SLC19A1: variants seen among roughly 807,000 people sequenced by gnomAD.
SLC19A1 encodes reduced folate transporter.
Under a neutral mutation model 35.3 loss-of-function variants are expected in SLC19A1, and 37 were observed. That is an observed-to-expected ratio of 1.05 (90% CI 0.81 to 1.38). The LOEUF (loss-of-function observed/expected upper bound fraction) is 1.38, where lower values mean the gene tolerates loss of function less well. SLC19A1 is among the 40% of genes most tolerant of loss of function. The probability of loss-of-function intolerance (pLI) is 0.00; values close to 1 mark genes in which losing one functional copy is unlikely to be tolerated. For synonymous variants in SLC19A1, 460 were observed against 398.5 expected (o/e 1.15, Z -1.84); for missense variants, 831 against 826.9 (o/e 1.00, Z -0.06).
chr21:45,536,232 T>C lies in SLC19A1; in HGVS notation c.189+1539A>G, dbSNP rs374013845. The C allele has an allele frequency of 2.1e-4, 32 of 155,878 alleles. No individual in the cohort carries two copies. The South Asian group carries it at 5.7e-3, about 28-fold the overall frequency. 9.7% of individuals were successfully genotyped at this position (155,878 alleles called of 1,614,324 possible). On this transcript the variant is annotated intron_variant, in intron 2 of 5. Transcript: ENST00000311124. ...TGGAATCTACTTTTTAATCCGTTAA[T>C]GTACAACATGAGAGGGCAGGCAGAT...
At chr21:45,558,087 C>A (rs569701653) in intron 1 of SLC19A1, among the ~76,000 whole-genome samples, 1 of 152,274 alleles carries the variant, frequency 6.6e-6, no homozygotes, top group African/African-American at 2.4e-5. Flanking sequence ...GCGGCATCGT[C>A]TCCAAGCCTG....
At chr21:45,555,842 T>C (rs1358363099) in intron 1 of SLC19A1, among the ~76,000 whole-genome samples, 1 of 152,162 alleles carries the variant, frequency 6.6e-6, no homozygotes, top group East Asian at 1.9e-4. Context: ...TCGCGGACCC[T>C]GAGGCAGGAT....
intron 3 of SLC19A1, chr21:45,505,816 C>T (rs1285986842): frequency 1.3e-6 from 2 of 1,573,108 alleles, no homozygotes; most frequent in East Asian, 2.2e-5. Flanking sequence ...AAGCCCCACA[C>T]CTCTGCATTT....
At chr21:45,552,933 C>T (rs1182946757) in intron 1 of SLC19A1, among the ~76,000 whole-genome samples, 1 of 152,232 alleles carries the variant, frequency 6.6e-6, no homozygotes. Flanking sequence ...AACAGGGCAC[C>T]CAGGGCAGTG....
chr21:45,503,043 G>A (rs1043355672), intron 3 of SLC19A1: 1 of 152,166 alleles, frequency 6.6e-6, no homozygotes, highest in Non-Finnish European at 1.5e-5. Context: ...GTGTGCATGT[G>A]TCTTTATAGC....
chr21:45,528,111 GGCC>G (rs2077713022), intron 4 of SLC19A1, among the ~76,000 whole-genome samples: 2 of 151,954 alleles, frequency 1.3e-5, no homozygotes, highest in Non-Finnish European at 2.9e-5. Flanking sequence ...CAGGCAGGCA[GGCC>G]GGCAGCAGGG....
In SLC19A1 at chr21:45,525,817, C is replaced by G. The variant is rs771840231; in HGVS notation, c.1293G>C (p.Gln431His). The G allele has an allele frequency of 6.2e-7, 1 of 1,613,166 alleles. No homozygotes were observed. The highest frequency in any genetic ancestry group is 1.1e-5 in the South Asian group (1 of 91,084). Residue 431 changes from glutamine to histidine, a missense_variant and splice_region_variant, in exon 5 of 6, where the codon CAG (glutamine) becomes CAC (histidine). Transcript: ENST00000311124. ...GGACGCAGGCCTGAAATGGGCTCAC[C>G]TGCTTGCGGACCGGGAGGCCCAGGC... The part of the protein sequence containing the change: ...VRGLGLPVRK[Q>H]FQLYSVYFLI...
At chr21:45,535,796 C>T (rs2078092345) in intron 2 of SLC19A1, among the ~76,000 whole-genome samples, 1 of 152,250 alleles carries the variant, frequency 6.6e-6, no homozygotes, top group East Asian at 1.9e-4. Flanking sequence ...ACCCAGGAGG[C>T]GCAGCTTAAG....
At chr21:45,535,578 G>A (rs1164334669) in intron 2 of SLC19A1, among the ~76,000 whole-genome samples, 1 of 152,220 alleles carries the variant, frequency 6.6e-6, no homozygotes, top group Non-Finnish European at 1.5e-5. Context: ...AGCTGGTGAG[G>A]GGAACGTGGG....
intron 1 of SLC19A1, among the ~76,000 whole-genome samples, chr21:45,550,658 C>T (rs760021021): frequency 3.9e-5 from 6 of 152,200 alleles, no homozygotes; most frequent in African/African-American, 1.4e-4. Context: ...CCCGGGCTTC[C>T]GTGGTTTTGT....
intron 3 of SLC19A1, chr21:45,506,194 G>T: frequency 1.7e-6 from 1 of 586,238 alleles, no homozygotes; most frequent in Non-Finnish European, 3.0e-6. Flanking sequence ...AACACATGGC[G>T]TGTGAGGGGC....
Position 45,514,111 on chromosome 21 carries a change from G to C in SLC19A1, c.*1547C>G, listed in dbSNP as rs759718577. 2.0e-5 allele frequency: 3 copies of C among 152,774 alleles called. No homozygotes were observed. The highest frequency in any genetic ancestry group is 4.4e-5 in the Non-Finnish European group (3 of 68,472). 9.5% of individuals were successfully genotyped at this position (152,774 alleles called of 1,614,324 possible). ...AGTGAGCAGGCTGCGGAGGGAGCAGGCCCTCAGGTTGGGGAGGCGCTGGGA... is the reference window on the plus strand; with the variant it reads ...AGTGAGCAGGCTGCGGAGGGAGCAGCCCCTCAGGTTGGGGAGGCGCTGGGA... On this transcript the variant is annotated 3_prime_UTR_variant, in exon 6 of 6. Transcript: ENST00000311124.
Position 45,515,987 on chromosome 21 carries a change from C to A in SLC19A1, c.1447G>T (p.Ala483Ser). ...AGGCCCTTGTCCTGCACGCTCAGTG[C>A]CTGTGCTGCCTTCTCCTCCGCGGCA... ...RSAAEEKAAQ[A>S]LSVQDKGLGG... Residue 483 changes from alanine (A) to serine (S), a missense_variant, in exon 6 of 6, where the codon GCA (alanine) becomes TCA (serine). Transcript: ENST00000311124. The A allele has an allele frequency of 6.4e-7, 1 of 1,562,426 alleles. No homozygotes were observed. The highest frequency in any genetic ancestry group is 8.7e-7 in the Non-Finnish European group (1 of 1,154,420).
chr21:45,559,293 G>A (rs146972584), intron 1 of SLC19A1, among the ~76,000 whole-genome samples: 1 of 152,316 alleles, frequency 6.6e-6, no homozygotes, highest in Non-Finnish European at 1.5e-5. Flanking sequence ...GAGGCCGGGT[G>A]AGTGTCGGTG....
intron 3 of SLC19A1, chr21:45,505,837 G>T: frequency 6.3e-7 from 1 of 1,597,058 alleles, no homozygotes. Flanking sequence ...GGTCCCAGCA[G>T]GTGAGGCTCT....
chr21:45,514,762 T>C lies in SLC19A1; in HGVS notation c.*896A>G. On this transcript the variant is annotated 3_prime_UTR_variant, in exon 6 of 6. Coordinates refer to ENST00000311124, the MANE Select transcript of SLC19A1 (RefSeq NM_194255.4). ...ATGTGGGAAGAGTATTCACATCACA[T>C]CAGATGGTCCCGCACCTGTGGGCAA... is the stretch of plus-strand genomic sequence containing the variant. The C allele has an allele frequency of 2.0e-6, 1 of 498,618 alleles. No homozygotes were observed. The highest frequency in any genetic ancestry group is 3.5e-6 in the Non-Finnish European group (1 of 286,542). The allele number at this position is 498,618 out of a possible 1,614,324, so 30.9% of individuals were successfully genotyped here.
At chr21:45,511,273 G>A, downstream of SLC19A1, 1 of 1,085,240 alleles carries the variant, frequency 9.2e-7, no homozygotes, top group Non-Finnish European at 1.4e-6. Context: ...CCCAGCCAGG[G>A]AAGGCGGGCG....
upstream of SLC19A1, chr21:45,544,505 G>C (rs2078392902): frequency 6.4e-6 from 1 of 155,790 alleles, no homozygotes; most frequent in South Asian, 2.1e-4. Flanking sequence ...TGGCATCTGG[G>C]AATGGATCCT....
At chr21:45,561,870 C>T (rs1464286231) in intron 1 of SLC19A1, among the ~76,000 whole-genome samples, 2 of 151,890 alleles carry the variant, frequency 1.3e-5, no homozygotes, top group African/African-American at 4.8e-5. Context: ...CAGTGGCTCA[C>T]GCCTGTAATC....
Sources: gnomAD v4.1 joint callset for allele counts (sites outside exome capture counted in the v4.1 genomes callset) on GRCh38, gnomAD v4.1.1 for gene constraint, MANE v1.5 for transcripts, NCBI Gene and HGNC (gene_info 2026-07-23, HGNC 2026-07-21) for gene names.